Variants in USP3 observed in about 807,000 individuals in gnomAD.
The protein encoded by USP3 is ubiquitin carboxyl-terminal hydrolase 3.
In USP3, 20 loss-of-function variants were observed where a neutral mutation model predicts 72.3. The observed-to-expected ratio is 0.28, with a 90% CI of 0.19 to 0.40. The LOEUF is 0.40. Among genes scored for constraint, USP3 ranks in the 10% least tolerant of loss-of-function variants. The pLI is 1.00. For synonymous variants in USP3, 222 were observed against 225.3 expected, an observed-to-expected ratio of 0.99 and a Z score of 0.13; for missense variants, 479 against 633.9, an observed-to-expected ratio of 0.76 and a Z score of 2.62.
Position 63,570,982 on chromosome 15 carries a change from T to G in USP3, c.908+403T>G, listed in dbSNP as rs187403117. On this transcript the variant is annotated intron_variant, in intron 9 of 14. Transcript: ENST00000380324. This position sits in a 1 kb window ranked among gnomAD's most constrained non-coding sequence, Gnocchi z 4.4. ...TTTTGAATGTGAACTTTCCTAAAGC[T>G]TCATTATGGACTTGAACTTTCCTAA... Among the ~76,000 whole-genome samples the G allele has an allele frequency of 1.3e-5, 2 of 152,358 alleles. No homozygotes were observed. The highest frequency in any genetic ancestry group is 4.8e-5 in the African/African-American group (2 of 41,584).
chr15:63,536,987 G>C, intron 2 of USP3, 38 bp from the exon 3 acceptor site: 1 of 1,586,792 alleles, frequency 6.3e-7, no homozygotes, highest in Non-Finnish European at 8.6e-7. Flanking sequence ...AATTTCCAAA[G>C]CAATATTTAA....
intron 2 of USP3, chr15:63,533,954 T>A: frequency 1.1e-6 from 1 of 942,784 alleles, no homozygotes; most frequent in Non-Finnish European, 1.3e-6. Flanking sequence ...TATGTAGTTC[T>A]GTTCTCCAGA....
In USP3 at chr15:63,544,554, A is replaced by AT; in HGVS notation, c.284+7404dup. 1.7e-6 allele frequency: 1 copy of AT among 583,808 alleles called. No individual in the cohort carries two copies. Among genetic ancestry groups the AT allele is most frequent in the Admixed American group, 3.1e-5 (1 of 31,826 alleles). 36.2% of individuals were successfully genotyped at this position (583,808 alleles called of 1,614,324 possible). A position where few individuals can be genotyped will look rare whatever the true frequency, so the allele number is the denominator to read the frequency against. The stretch of plus-strand genomic sequence containing the variant: ...GGAAACGAGTGTTTCTAAAGTTAGA[A>AT]TTTTTTAAAGGAAGTAAACCTACAT... On this transcript the variant is annotated intron_variant, in intron 3 of 14. Coordinates refer to ENST00000380324, the MANE Select transcript of USP3 (RefSeq NM_006537.4). The surrounding 1 kb of genome is among the most constrained non-coding windows in gnomAD (Gnocchi z 4.2).
At chr15:63,560,054 C>A in intron 7 of USP3, 84 bp downstream of exon 7, 2 of 1,086,220 alleles carry the variant, frequency 1.8e-6, no homozygotes, top group Admixed American at 3.0e-5. Context: ...ACTAAGTGAG[C>A]TAACAGGCAC....
intron 3 of USP3, among the ~76,000 whole-genome samples, chr15:63,550,677 A>G (rs1047642681): frequency 6.6e-6 from 1 of 152,252 alleles, no homozygotes; most frequent in Non-Finnish European, 1.5e-5. Context: ...TGCTGACTTA[A>G]TTGGTCTTTA....
rs138063259 is a variant in USP3 at position 63,537,877 on chromosome 15, G to T, written c.284+721G>T. Among the ~76,000 whole-genome samples, 170 of 152,160 alleles carry T rather than the reference G, an allele frequency of 1.1e-3. 1 individual carries two copies. The highest frequency in any genetic ancestry group is 3.4e-3 in the Middle Eastern group (1 of 294). Reference sequence around the variant, plus strand: ...ATTTTGTATTTTTAGTAGAGACGGAGTTTCACCATGTTGGTCAGGTTGGTC... The same window carrying T: ...ATTTTGTATTTTTAGTAGAGACGGATTTTCACCATGTTGGTCAGGTTGGTC... On this transcript the variant is annotated intron_variant, in intron 3 of 14. Coordinates refer to ENST00000380324, the MANE Select transcript of USP3 (RefSeq NM_006537.4).
In USP3 at chr15:63,588,112, T is replaced by C. The variant is rs149921262; in HGVS notation, c.1097-193T>C. 3.5e-3 allele frequency: 1,602 copies of C among 459,504 alleles called. 9 individuals are homozygous for C. The highest frequency in any genetic ancestry group is 8.6e-3 in the Middle Eastern group (15 of 1,746). The allele number at this position is 459,504 out of a possible 1,614,324, so 28.5% of individuals were successfully genotyped here. A position where few individuals can be genotyped will look rare whatever the true frequency, so the allele number is the denominator to read the frequency against. On this transcript the variant is annotated intron_variant, in intron 11 of 14. Transcript: ENST00000380324. This position sits in a 1 kb window ranked among gnomAD's most constrained non-coding sequence, Gnocchi z 4.6. ...GCATGATGCCAGGTGCTCTACACAT[T>C]ATTTCTCTTCCTTATAATAGTTCTT... is the stretch of plus-strand genomic sequence containing the variant.
chr15:63,520,636 T>C (rs1371554401), intron 1 of USP3, among the ~76,000 whole-genome samples: 1 of 138,632 alleles, frequency 7.2e-6, no homozygotes, highest in Non-Finnish European at 1.5e-5. Flanking sequence ...CAATCTCGGC[T>C]CACTGCAGCC....
At position 63,531,337 on chromosome 15, in the gene USP3, A is replaced by T. The variant is rs972963735; in HGVS notation, c.92-1310A>T. Reference sequence around the variant, plus strand: ...AGTGAAGAAAAAAACATTGAAATAAAATTGGTAGGTTAGATACAAAACTGG... The same window carrying T: ...AGTGAAGAAAAAAACATTGAAATAATATTGGTAGGTTAGATACAAAACTGG... On this transcript the variant is annotated intron_variant, in intron 1 of 14. Transcript: ENST00000380324. Among the ~76,000 whole-genome samples, 104 of 151,638 alleles carry T rather than the reference A, an allele frequency of 6.9e-4. 1 individual carries two copies. The highest frequency in any genetic ancestry group is 2.5e-3 in the African/African-American group (102 of 41,540).
At chr15:63,524,333 C>T (rs1322191305) in intron 1 of USP3, among the ~76,000 whole-genome samples, 1 of 152,216 alleles carries the variant, frequency 6.6e-6, no homozygotes, top group Non-Finnish European at 1.5e-5. Flanking sequence ...TTTTCCTAAA[C>T]AACAGGTCAG....
In USP3 at chr15:63,590,704, C is replaced by T. The variant is rs776548133; in HGVS notation, c.1441C>T (p.Arg481Cys). 22 of 1,613,494 alleles carry T rather than the reference C, an allele frequency of 1.4e-5. No individual in the cohort carries two copies. In the Middle Eastern group the frequency reaches 4.9e-4, roughly 36 times the overall value. The change falls in exon 15 of 15, where the codon CGC (arginine) becomes TGC (cysteine). Residue 481 changes from arginine to cysteine, a missense_variant. Coordinates refer to ENST00000380324, the MANE Select transcript of USP3 (RefSeq NM_006537.4). ...CACAGCATACGCAACTCACGAAGGC[C>T]GCTGGTTCCACTTCAATGACAGTAC... ...HYTAYATHEG[R>C]WFHFNDSTVT...
At chr15:63,581,138 C>T (rs1040445698) in intron 11 of USP3, among the ~76,000 whole-genome samples, 1 of 152,188 alleles carries the variant, frequency 6.6e-6, no homozygotes, top group African/African-American at 2.4e-5. Flanking sequence ...ATATAATTCA[C>T]TTCCACATGT....
At chr15:63,541,168 G>C (rs2066239242) in intron 3 of USP3, among the ~76,000 whole-genome samples, 6 of 152,114 alleles carry the variant, frequency 3.9e-5, no homozygotes, top group Admixed American at 3.9e-4. Context: ...AATATTAAAA[G>C]TATATTCCTT....
chr15:63,504,657 C>G lies in USP3; in HGVS notation c.-83C>G, dbSNP rs533351788. On this transcript the variant is annotated 5_prime_UTR_variant, in exon 1 of 15. Coordinates refer to ENST00000380324, the MANE Select transcript of USP3 (RefSeq NM_006537.4). ...GCCGAGCGCCCGGCTAGAAGCGACA[C>G]CAGACGGAGCCTCCGGAGTTCCTCC... 3 of 1,252,052 alleles carry G rather than the reference C, an allele frequency of 2.4e-6. No individual in the cohort carries two copies. The highest frequency in any genetic ancestry group is 1.5e-5 in the African/African-American group (1 of 64,650). The allele number at this position is 1,252,052 out of a possible 1,614,324, so 77.6% of individuals were successfully genotyped here. A position where few individuals can be genotyped will look rare whatever the true frequency, so the allele number is the denominator to read the frequency against.
intron 11 of USP3, among the ~76,000 whole-genome samples, chr15:63,585,062 G>C (rs2067033040): frequency 6.6e-6 from 1 of 152,124 alleles, no homozygotes; most frequent in African/African-American, 2.4e-5. Flanking sequence ...TGACTATATA[G>C]TAAGAGTTTT....
chr15:63,567,189 TTTA>T (rs1475052652), intron 8 of USP3, among the ~76,000 whole-genome samples: 1 of 152,120 alleles, frequency 6.6e-6, no homozygotes, highest in Non-Finnish European at 1.5e-5. Context: ...AAACTAACGT[TTTA>T]TTTGATTTTT....
chr15:63,547,745 G>GAGAGAGAGA (rs2066355336), intron 3 of USP3, among the ~76,000 whole-genome samples: 1 of 8,546 alleles, frequency 1.2e-4, no homozygotes. Context: ...AGAGAGAGAG[G>GAGAGAGAGA]GAGGGAGGGA....
At chr15:63,509,159 A>C (rs189519665) in intron 1 of USP3, among the ~76,000 whole-genome samples, 1 of 152,166 alleles carries the variant, frequency 6.6e-6, no homozygotes, top group Admixed American at 6.5e-5. Context: ...TACATTTAAC[A>C]CTCGTTTGCC....
intron 1 of USP3, among the ~76,000 whole-genome samples, chr15:63,525,196 T>A (rs569938374): frequency 9.4e-4 from 143 of 152,270 alleles, no homozygotes; most frequent in African/African-American, 3.3e-3. Context: ...ATTTTATCTT[T>A]CCTGCCTTGG....
Sources: gnomAD v4.1 joint callset for allele counts (sites outside exome capture counted in the v4.1 genomes callset) on GRCh38, gnomAD v4.1.1 for gene constraint, Gnocchi (gnomAD v3.1) non-coding constraint, MANE v1.5 for transcripts, NCBI Gene and HGNC (gene_info 2026-07-23, HGNC 2026-07-21) for gene names.